Variants in NARS1 observed in about 807,000 individuals in gnomAD.
NARS1 encodes the protein asparaginyl-tRNA synthetase 1, also known as asparagine--tRNA ligase, cytoplasmic.
NARS1 carries 65 observed loss-of-function variants against 79.2 expected under a neutral mutation model. The observed-to-expected ratio is 0.82, with a 90% CI of 0.67 to 1.01. NARS1 has a LOEUF of 1.01. Ranked by LOEUF, NARS1 falls within the 50% of genes least tolerant of loss-of-function variation. The pLI is 0.00. For missense variants in NARS1, 649 were observed against 673.8 expected (o/e 0.96, Z 0.41); for synonymous variants, 229 against 238.8 (o/e 0.96, Z 0.38).
rs114489263 is a variant in NARS1, at chr18:57,612,791, A to G, written c.421+811T>C. On this transcript the variant is annotated intron_variant, in intron 5 of 13. Transcript: ENST00000256854. ...TCCCTTACAATAAATAGTAAAAGTG[A>G]CATGTTTATATATTATAAAATATAT... Among the ~76,000 whole-genome samples, 366 of 152,290 alleles carry G rather than the reference A, an allele frequency of 2.4e-3. 2 individuals carry two copies. Among genetic ancestry groups the G allele is most frequent in the African/African-American group, 8.5e-3 (355 of 41,564 alleles).
intron 6 of NARS1, among the ~76,000 whole-genome samples, chr18:57,610,548 C>T (rs2051596496): frequency 6.6e-6 from 1 of 152,156 alleles, no homozygotes; most frequent in South Asian, 2.1e-4. Flanking sequence ...CAGCTTTGCC[C>T]ATGAAGTAGT....
chr18:57,601,051 T>G lies in NARS1; in HGVS notation c.*601A>C, dbSNP rs987047691. On this transcript the variant is annotated 3_prime_UTR_variant, in exon 14 of 14. Coordinates refer to ENST00000256854, the MANE Select transcript of NARS1 (RefSeq NM_004539.4). ...ATTCTATTTTTACAAATTCTTCAAT[T>G]TCTATGCCTCAGGATTATTAGCAGC... The G allele has an allele frequency of 6.6e-6, 1 of 152,198 alleles. No homozygotes were observed. Among genetic ancestry groups the G allele is most frequent in the African/African-American group, 2.4e-5 (1 of 41,454 alleles). The allele number at this position is 152,198 out of a possible 1,614,324, so 9.4% of individuals were successfully genotyped here.
rs1568161572 is a variant in NARS1, at chr18:57,601,420, C to G, written c.*232G>C. Reference sequence around the variant, plus strand: ...ACTACAGTTTCATGCCAGGTATTTTCCCCGAACTTTGTTTCCCGAACTTAA... The same window carrying G: ...ACTACAGTTTCATGCCAGGTATTTTGCCCGAACTTTGTTTCCCGAACTTAA... On this transcript the variant is annotated 3_prime_UTR_variant, in exon 14 of 14. Coordinates refer to ENST00000256854, the MANE Select transcript of NARS1 (RefSeq NM_004539.4). 2.7e-6 allele frequency: 1 copy of G among 368,860 alleles called. No homozygotes were observed. Among genetic ancestry groups the G allele is most frequent in the Non-Finnish European group, 4.9e-6 (1 of 203,458 alleles). The allele number at this position is 368,860 out of a possible 1,614,324, so 22.8% of individuals were successfully genotyped here.
chr18:57,619,872 G>C (rs778936778), intron 2 of NARS1, among the ~76,000 whole-genome samples: 1 of 151,862 alleles, frequency 6.6e-6, no homozygotes, highest in Non-Finnish European at 1.5e-5. Flanking sequence ...GTTTTTTGTA[G>C]AGCCAGGATT....
At chr18:57,613,532 T>G in intron 5 of NARS1, 70 bp downstream of exon 5, 1 of 1,349,810 alleles carries the variant, frequency 7.4e-7, no homozygotes, top group East Asian at 2.3e-5. Context: ...TGCAAATCTT[T>G]GTATGTTTTT....
chr18:57,603,346 A>G (rs917394534), intron 11 of NARS1, among the ~76,000 whole-genome samples: 5 of 131,042 alleles, frequency 3.8e-5, no homozygotes, highest in Non-Finnish European at 8.5e-5. Flanking sequence ...TACGGTAATC[A>G]TGAATGCTCC....
Position 57,602,486 on chromosome 18 carries a change from C to A in NARS1, c.1384G>T (p.Val462Phe). The A allele has an allele frequency of 6.2e-7, 1 of 1,613,666 alleles. No individual in the cohort carries two copies. The highest frequency in any genetic ancestry group is 2.2e-5 in the East Asian group (1 of 44,878). Reference sequence around the variant, plus strand: ...CCAACATTGGGCATCAACACGTCGACCTTTAAATATAAGTGAAAGAAGATA... The same window carrying A: ...CCAACATTGGGCATCAACACGTCGAACTTTAAATATAAGTGAAAGAAGATA... The part of the protein sequence containing the change: ...CPEDSRLTES[V>F]DVLMPNVGEI... Residue 462 changes from valine (V) to phenylalanine (F), a missense_variant and splice_region_variant, in exon 13 of 14, where the codon GTC (valine) becomes TTC (phenylalanine). By Grantham distance (50) the Val-to-Phe change is conservative. Coordinates refer to ENST00000256854, the MANE Select transcript of NARS1 (RefSeq NM_004539.4).
At chr18:57,613,533 G>T (rs1449252416) in intron 5 of NARS1, 69 bp downstream of exon 5, 20 of 1,351,482 alleles carry the variant, frequency 1.5e-5, no homozygotes, top group Non-Finnish European at 1.9e-5. Context: ...GCAAATCTTT[G>T]TATGTTTTTC....
chr18:57,607,546 T>A lies in NARS1; in HGVS notation c.699A>T (p.Arg233Ser). Residue 233 changes from arginine (R) to serine (S), a missense_variant, in exon 8 of 14, where the codon AGA becomes AGT. Physicochemically the swap from Arg to Ser is moderately radical, Grantham distance 110 (BLOSUM62 -1). Coordinates refer to ENST00000256854, the MANE Select transcript of NARS1 (RefSeq NM_004539.4). ...TGTTTTCTCCTCGGATCATCATGTG[T>A]CTGTTGTTGAGCTGGACATCAACGT... is the stretch of plus-strand genomic sequence containing the variant. ...ESDVDVQLNN[R>S]HMMIRGENMS... 6.2e-7 allele frequency: 1 copy of A among 1,614,206 alleles called. No individual in the cohort carries two copies. Among genetic ancestry groups the A allele is most frequent in the Non-Finnish European group, 8.5e-7 (1 of 1,180,048 alleles).
chr18:57,616,499 T>A (rs1405614198), intron 2 of NARS1, among the ~76,000 whole-genome samples: 2 of 151,140 alleles, frequency 1.3e-5, no homozygotes, highest in East Asian at 3.9e-4. Context: ...TTACAGCAAG[T>A]TCGGGTATAC....
intron 9 of NARS1, 72 bp downstream of exon 9, chr18:57,607,062 T>A: frequency 7.0e-7 from 1 of 1,428,156 alleles, no homozygotes; most frequent in East Asian, 2.3e-5. Context: ...ATAAACATAA[T>A]TTACCTACAC....
At chr18:57,621,603 G>C in intron 1 of NARS1, 105 bp downstream of exon 1, 1 of 640,326 alleles carries the variant, frequency 1.6e-6, no homozygotes. Flanking sequence ...AAACATTCGC[G>C]GGGCGCCCAC....
chr18:57,602,512 C>T (rs768564961), intron 12 of NARS1, 26 bp from the exon 13 acceptor site: 3 of 1,612,490 alleles, frequency 1.9e-6, no homozygotes, highest in Admixed American at 3.3e-5. Context: ...AAAGAAGATA[C>T]ACAATTACTA....
intron 8 of NARS1, 46 bp downstream of exon 8, chr18:57,607,398 C>G: frequency 6.2e-7 from 1 of 1,610,276 alleles, no homozygotes; most frequent in Non-Finnish European, 8.5e-7. Flanking sequence ...AGTTTCAAAA[C>G]GGCAAAAAAC....
chr18:57,603,006 C>G, intron 11 of NARS1, 63 bp from the exon 12 acceptor site: 1 of 1,563,310 alleles, frequency 6.4e-7, no homozygotes, highest in South Asian at 1.1e-5. Context: ...AGAAGCAGCT[C>G]CTTCACCCTG....
rs773315102 is a variant in NARS1 at position 57,607,394 on chromosome 18, A to T, written c.801+50T>A. The T allele has an allele frequency of 1.9e-6, 3 of 1,611,040 alleles. No homozygotes were observed. In the African/African-American group the frequency reaches 4.0e-5, roughly 22 times the overall value. On this transcript the variant is annotated intron_variant, in intron 8 of 13. Transcript: ENST00000256854. ...TCGTGAGCACCACTATTCAAGTTTC[A>T]AAACGGCAAAAAACATATTCTTTGC...
chr18:57,615,600 G>A (rs1301589534), intron 4 of NARS1, 41 bp downstream of exon 4: 2 of 1,387,624 alleles, frequency 1.4e-6, no homozygotes, highest in Admixed American at 1.7e-5. Context: ...ATGATCTGAT[G>A]TAGCCAAGTC....
At chr18:57,607,772 T>A in intron 7 of NARS1, 107 bp from the exon 8 acceptor site, 1 of 863,492 alleles carries the variant, frequency 1.2e-6, no homozygotes, top group Non-Finnish European at 1.8e-6. Flanking sequence ...CTGAGATTTT[T>A]AAGAACCTCC....
At chr18:57,618,662 G>C (rs1908163667) in intron 2 of NARS1, among the ~76,000 whole-genome samples, 1 of 152,144 alleles carries the variant, frequency 6.6e-6, no homozygotes. Flanking sequence ...AGCACTTTGG[G>C]AGGCCAAGGC....
Sources: gnomAD v4.1 joint callset for allele counts (sites outside exome capture counted in the v4.1 genomes callset) on GRCh38, gnomAD v4.1.1 for gene constraint, MANE v1.5 for transcripts, NCBI Gene and HGNC (gene_info 2026-07-23, HGNC 2026-07-21) for gene names.